The following HECW2 variants were observed in gnomAD, a reference collection of about 807,000 sequenced individuals.
HECW2 encodes HECT, C2 and WW domain containing E3 ubiquitin protein ligase 2.
A neutral mutation model predicts 175.2 loss-of-function variants in HECW2; 61 were observed. That is an observed-to-expected ratio of 0.35 (90% CI 0.28 to 0.43). HECW2 has a LOEUF of 0.43. Among genes scored for constraint, HECW2 ranks in the 20% least tolerant of loss-of-function variants. HECW2 has a pLI of 1.00. For missense variants in HECW2, 1,524 were observed against 2,000.5 expected, an observed-to-expected ratio of 0.76 and a Z score of 4.54; for synonymous variants, 671 against 731.0, an observed-to-expected ratio of 0.92 and a Z score of 1.32.
chr2:196,581,345 G>A (rs1690774077), intron 1 of HECW2, among the ~76,000 whole-genome samples: 1 of 152,028 alleles, frequency 6.6e-6, no homozygotes, highest in Non-Finnish European at 1.5e-5. Flanking sequence ...GACCAGCCTG[G>A]CCAACACGGC....
chr2:196,467,210 T>C (rs1302853310), intron 1 of HECW2, among the ~76,000 whole-genome samples: 1 of 152,230 alleles, frequency 6.6e-6, no homozygotes, highest in African/African-American at 2.4e-5. Flanking sequence ...TGCATATGCA[T>C]TCTTAAAGCT....
intron 13 of HECW2, among the ~76,000 whole-genome samples, chr2:196,294,884 C>T (rs1437740823): frequency 1.3e-5 from 2 of 152,138 alleles, no homozygotes; most frequent in Admixed American, 1.3e-4. Flanking sequence ...AGAAGTAATC[C>T]TTTGTTAGCT....
chr2:196,342,536 A>G (rs2105826904), intron 3 of HECW2, among the ~76,000 whole-genome samples: 1 of 151,882 alleles, frequency 6.6e-6, no homozygotes, highest in East Asian at 1.9e-4. Context: ...AGTATTTACT[A>G]TTTTTTCAAT....
At chr2:196,265,925 T>C (rs939248014) in intron 17 of HECW2, among the ~76,000 whole-genome samples, 2 of 152,090 alleles carry the variant, frequency 1.3e-5, no homozygotes, top group African/African-American at 4.8e-5. Context: ...AACAAAATCT[T>C]AAGAGCTATA....
At chr2:196,253,045 T>C (rs961637698) in intron 19 of HECW2, among the ~76,000 whole-genome samples, 8 of 152,264 alleles carry the variant, frequency 5.3e-5, no homozygotes, top group African/African-American at 9.6e-5. Flanking sequence ...GCTTGGATCA[T>C]AGTTGGATGC....
At position 196,278,133 on chromosome 2, in the gene HECW2, A is replaced by AAAAAAAAAAATAT. The variant is rs531920307; in HGVS notation, c.3135+394_3135+395insATATTTTTTTTTT. On this transcript the variant is annotated intron_variant, in intron 15 of 28. Coordinates refer to ENST00000644978, the MANE Select transcript of HECW2 (RefSeq NM_001348768.2). Reference sequence around the variant, plus strand: ...CCTAGAACTTAAAGTATAATTAAAAAATATATATATATATATATAAAGAAA... The same window carrying AAAAAAAAAAATAT: ...CCTAGAACTTAAAGTATAATTAAAAAAAAAAAAAAATATATATATATATATATATATAAAGAAA... Among the ~76,000 whole-genome samples the AAAAAAAAAAATAT allele has an allele frequency of 2.3e-3, 153 of 66,568 alleles. 12 individuals are homozygous for AAAAAAAAAAATAT. The highest frequency in any genetic ancestry group is 0.017 in the Middle Eastern group (2 of 118). The allele number at this position is 66,568 out of a possible 152,430, so 43.7% of individuals were successfully genotyped here. A position where few individuals can be genotyped will look rare whatever the true frequency, so the allele number is the denominator to read the frequency against.
chr2:196,399,384 G>A (rs564686045), intron 2 of HECW2, among the ~76,000 whole-genome samples: 3 of 152,186 alleles, frequency 2.0e-5, no homozygotes, highest in Non-Finnish European at 4.4e-5. Flanking sequence ...AGACTACTCT[G>A]GGCTAAACTG....
At chr2:196,572,654 C>G (rs1006610720) in intron 1 of HECW2, among the ~76,000 whole-genome samples, 2 of 152,088 alleles carry the variant, frequency 1.3e-5, no homozygotes, top group African/African-American at 4.8e-5. Flanking sequence ...ATGTTGAAAC[C>G]CTACTCCCAA....
chr2:196,499,662 T>A (rs1687513066), intron 1 of HECW2, among the ~76,000 whole-genome samples: 2 of 152,174 alleles, frequency 1.3e-5, no homozygotes, highest in African/African-American at 2.4e-5. Flanking sequence ...CAGATTTTCA[T>A]ATTCAATTAA....
chr2:196,360,508 C>T (rs1030294078), intron 2 of HECW2, among the ~76,000 whole-genome samples: 1 of 151,712 alleles, frequency 6.6e-6, no homozygotes, highest in African/African-American at 2.4e-5. Flanking sequence ...GACTCATGGA[C>T]ACAAAAAAGG....
At chr2:196,379,646 C>T (rs1694148764) in intron 2 of HECW2, among the ~76,000 whole-genome samples, 2 of 145,944 alleles carry the variant, frequency 1.4e-5, no homozygotes, top group Admixed American at 6.9e-5. Context: ...GATCACACCA[C>T]TGCACTCCAG....
chr2:196,374,289 G>C (rs1450276935), intron 2 of HECW2, among the ~76,000 whole-genome samples: 1 of 152,122 alleles, frequency 6.6e-6, no homozygotes, highest in African/African-American at 2.4e-5. Context: ...AAAATTATAT[G>C]TACAATAGGA....
chr2:196,307,273 A>G lies in HECW2; in HGVS notation c.2586-40T>C, dbSNP rs373799246. On this transcript the variant is annotated intron_variant, in intron 11 of 28. Coordinates refer to ENST00000644978, the MANE Select transcript of HECW2 (RefSeq NM_001348768.2). Reference sequence around the variant, plus strand: ...CTAGAGTTACATTCCAGCAGCATTTAAGAGATGGGACTCAACTGCTCCCCA... The same window carrying G: ...CTAGAGTTACATTCCAGCAGCATTTGAGAGATGGGACTCAACTGCTCCCCA... The G allele has an allele frequency of 9.2e-4, 1,265 of 1,374,786 alleles. 13 individuals carry two copies. The highest frequency in any genetic ancestry group is 9.1e-3 in the South Asian group (789 of 86,304). 85.2% of individuals were successfully genotyped at this position (1,374,786 alleles called of 1,614,324 possible). A position where few individuals can be genotyped will look rare whatever the true frequency, so the allele number is the denominator to read the frequency against.
At chr2:196,458,660 G>T (rs959837505) in intron 1 of HECW2, among the ~76,000 whole-genome samples, 4 of 152,322 alleles carry the variant, frequency 2.6e-5, no homozygotes, top group African/African-American at 9.6e-5. Flanking sequence ...GAGGTCAAGA[G>T]ATCGAGACCA....
At chr2:196,352,485 C>A (rs373732017) in intron 2 of HECW2, among the ~76,000 whole-genome samples, 3 of 152,158 alleles carry the variant, frequency 2.0e-5, no homozygotes, top group Non-Finnish European at 2.9e-5. Flanking sequence ...GGAATGCTGG[C>A]AGAGTGGAGA....
chr2:196,315,116 G>C lies in HECW2; in HGVS notation c.2434+2158C>G, dbSNP rs569519102. ...CATGAGAATACACATCCCCAGATTT[G>C]CAAGTTGCTTGGTCCTACAGCACGA... On this transcript the variant is annotated intron_variant, in intron 10 of 28. Coordinates refer to ENST00000644978, the MANE Select transcript of HECW2 (RefSeq NM_001348768.2). 4.6e-5 allele frequency among the ~76,000 whole-genome samples: 7 copies of C among 150,938 alleles called. No individual in the cohort carries two copies. In the South Asian group the frequency reaches 1.5e-3, roughly 32 times the overall value.
chr2:196,506,024 G>A (rs1241156383), intron 1 of HECW2, among the ~76,000 whole-genome samples: 1 of 152,112 alleles, frequency 6.6e-6, no homozygotes, highest in Non-Finnish European at 1.5e-5. Context: ...TAAGGCAGTC[G>A]GGGAGGGATG....
At chr2:196,264,064 A>G (rs1477048563) in intron 17 of HECW2, 3 of 152,188 alleles carry the variant, frequency 2.0e-5, no homozygotes, top group African/African-American at 7.2e-5. Flanking sequence ...CCAACATACT[A>G]TTAACATGTT....
At chr2:196,469,821 G>A (rs1697122554) in intron 1 of HECW2, among the ~76,000 whole-genome samples, 1 of 152,008 alleles carries the variant, frequency 6.6e-6, no homozygotes, top group South Asian at 2.1e-4. Context: ...AAATAAGGCT[G>A]TTACCTCTGG....
Sources: gnomAD v4.1 joint callset for allele counts (sites outside exome capture counted in the v4.1 genomes callset) on GRCh38, gnomAD v4.1.1 for gene constraint, MANE v1.5 for transcripts, NCBI Gene and HGNC (gene_info 2026-07-23, HGNC 2026-07-21) for gene names.